Variants in ANGPT1 observed in about 807,000 individuals in gnomAD.
ANGPT1 encodes the protein angiopoietin-1.
A neutral mutation model predicts 62.2 loss-of-function variants in ANGPT1; 17 were observed. The ratio of observed to expected loss-of-function variants is 0.27; its 90% CI spans 0.19 to 0.41. ANGPT1 has a LOEUF of 0.41. Among genes scored for constraint, ANGPT1 ranks in the 10% least tolerant of loss-of-function variants. ANGPT1 has a pLI of 1.00. For missense variants in ANGPT1, 478 were observed against 594.9 expected (o/e 0.80, Z 2.04); for synonymous variants, 199 against 198.9 (o/e 1.00, Z 0.00).
At chr8:107,326,632 A>G (rs978265847) in intron 3 of ANGPT1, among the ~76,000 whole-genome samples, 1 of 152,084 alleles carries the variant, frequency 6.6e-6, no homozygotes, top group Non-Finnish European at 1.5e-5. Context: ...AATGGTTTCA[A>G]TGCAAACCTC....
chr8:107,489,953 A>G (rs1812915753), intron 1 of ANGPT1, among the ~76,000 whole-genome samples: 1 of 151,956 alleles, frequency 6.6e-6, no homozygotes, highest in Non-Finnish European at 1.5e-5. Flanking sequence ...AAAAAAAAGA[A>G]GAAAAGAAAA....
intron 1 of ANGPT1, among the ~76,000 whole-genome samples, chr8:107,356,879 T>C (rs1393386533): frequency 6.6e-6 from 1 of 152,206 alleles, no homozygotes; most frequent in African/African-American, 2.4e-5. Context: ...AGACAGATAA[T>C]TTCTGTGCAC....
intron 1 of ANGPT1, among the ~76,000 whole-genome samples, chr8:107,457,562 A>C (rs1811950476): frequency 1.3e-5 from 2 of 152,126 alleles, no homozygotes; most frequent in African/African-American, 4.8e-5. Flanking sequence ...GTACAATAAT[A>C]GATAAAGCTT....
At chr8:107,457,194 A>T (rs1586338383) in intron 1 of ANGPT1, among the ~76,000 whole-genome samples, 1 of 152,134 alleles carries the variant, frequency 6.6e-6, no homozygotes, top group East Asian at 1.9e-4. Flanking sequence ...ACATTGATAC[A>T]TGTCACTACA....
intron 6 of ANGPT1, among the ~76,000 whole-genome samples, chr8:107,289,569 C>T (rs1171594074): frequency 1.3e-5 from 2 of 152,056 alleles, no homozygotes; most frequent in Non-Finnish European, 2.9e-5. Flanking sequence ...AATGCTGAGA[C>T]GTGCAACTCA....
chr8:107,275,945 C>G (rs1586179301), intron 7 of ANGPT1, among the ~76,000 whole-genome samples: 1 of 152,096 alleles, frequency 6.6e-6, no homozygotes, highest in South Asian at 2.1e-4. Context: ...AGCATGCAGG[C>G]ATTTGTTTTC....
intron 1 of ANGPT1, among the ~76,000 whole-genome samples, chr8:107,480,303 T>G (rs188179958): frequency 1.1e-4 from 16 of 152,298 alleles, no homozygotes; most frequent in Admixed American, 3.9e-4. Flanking sequence ...AGGATCTAGT[T>G]TGAGGCACTA....
chr8:107,412,331 GTCAGTT>G (rs1216370935), intron 1 of ANGPT1, among the ~76,000 whole-genome samples: 2 of 152,112 alleles, frequency 1.3e-5, no homozygotes, highest in African/African-American at 4.8e-5. Flanking sequence ...TAGAGGAAGA[GTCAGTT>G]TCTCTTGAAT....
At chr8:107,290,259 A>G (rs367670010) in intron 6 of ANGPT1, among the ~76,000 whole-genome samples, 62 of 152,292 alleles carry the variant, frequency 4.1e-4, no homozygotes, top group Non-Finnish European at 8.2e-4. Context: ...TATGAAGGGA[A>G]GGAAGGAGAG....
intron 4 of ANGPT1, 30 bp from the exon 5 acceptor site, chr8:107,303,397 T>C (rs1814641723): frequency 1.2e-5 from 18 of 1,549,870 alleles, no homozygotes; most frequent in Non-Finnish European, 1.5e-5. Flanking sequence ...GATTGCAATA[T>C]GTGAATATCA....
At chr8:107,355,052 C>T (rs1381593374) in intron 1 of ANGPT1, among the ~76,000 whole-genome samples, 1 of 148,340 alleles carries the variant, frequency 6.7e-6, no homozygotes, top group Non-Finnish European at 1.5e-5. Context: ...CAGGCACATG[C>T]CACCACGCCT....
At chr8:107,344,614 G>T (rs1348964520) in intron 2 of ANGPT1, among the ~76,000 whole-genome samples, 1 of 152,182 alleles carries the variant, frequency 6.6e-6, no homozygotes, top group East Asian at 1.9e-4. Flanking sequence ...AGATTAGAAA[G>T]CAATAAGTTA....
At chr8:107,260,601 G>C (rs189991699) in intron 8 of ANGPT1, among the ~76,000 whole-genome samples, 1 of 152,314 alleles carries the variant, frequency 6.6e-6, no homozygotes. Context: ...CAATACTCCA[G>C]TTACCTGGAC....
At chr8:107,399,458 A>G (rs1161895873) in intron 1 of ANGPT1, among the ~76,000 whole-genome samples, 1 of 152,218 alleles carries the variant, frequency 6.6e-6, no homozygotes, top group Non-Finnish European at 1.5e-5. Flanking sequence ...GACATTAATT[A>G]GTATGAAGAG....
chr8:107,363,970 G>A (rs962788974), intron 1 of ANGPT1, among the ~76,000 whole-genome samples: 3 of 152,140 alleles, frequency 2.0e-5, no homozygotes, highest in African/African-American at 2.4e-5. Flanking sequence ...GACACTTGCT[G>A]ACTGACTAAT....
At chr8:107,392,304 C>T (rs896602969) in intron 1 of ANGPT1, among the ~76,000 whole-genome samples, 3 of 152,126 alleles carry the variant, frequency 2.0e-5, no homozygotes, top group African/African-American at 7.2e-5. Flanking sequence ...TAAATTTGCA[C>T]CCATTCCAGT....
rs533440965 is a variant in ANGPT1, at chr8:107,321,878, T to C, written c.808+18A>G. On this transcript the variant is annotated intron_variant, in intron 4 of 8. Transcript: ENST00000517746. ...AAATAAAATATTAACAATACCAAAG[T>C]GAGGAAGACATTCTTACCACCTTCT... 338 of 1,601,324 alleles carry C rather than the reference T, an allele frequency of 2.1e-4. 4 individuals carry two copies. In the South Asian group the frequency reaches 3.4e-3, roughly 16 times the overall value.
intron 3 of ANGPT1, among the ~76,000 whole-genome samples, chr8:107,329,520 C>T (rs562293305): frequency 6.6e-6 from 1 of 152,098 alleles, no homozygotes; most frequent in South Asian, 2.1e-4. Context: ...ATGCAATGGG[C>T]TTTTGACAAT....
intron 1 of ANGPT1, among the ~76,000 whole-genome samples, chr8:107,491,697 G>A (rs1228451416): frequency 6.6e-6 from 1 of 152,180 alleles, no homozygotes; most frequent in African/African-American, 2.4e-5. Context: ...TTTGAAGGTA[G>A]TAAATGATGG....
Sources: gnomAD v4.1 joint callset for allele counts (sites outside exome capture counted in the v4.1 genomes callset) on GRCh38, gnomAD v4.1.1 for gene constraint, MANE v1.5 for transcripts, NCBI Gene and HGNC (gene_info 2026-07-23, HGNC 2026-07-21) for gene names.